The following CACNA1F variants were observed in gnomAD, a reference collection of about 807,000 sequenced individuals.
The protein encoded by CACNA1F is voltage-dependent L-type calcium channel subunit alpha-1F.
Under a neutral mutation model 143.8 loss-of-function variants are expected in CACNA1F, and 59 were observed. That is an observed-to-expected ratio of 0.41 (90% CI 0.33 to 0.51). The LOEUF is 0.51. Ranked by LOEUF, CACNA1F falls within the 20% of genes least tolerant of loss-of-function variation. The pLI, the probability that CACNA1F is intolerant of heterozygous loss-of-function variation, is 0.22. For missense variants in CACNA1F, 1,411 were observed against 1,647.5 expected, an observed-to-expected ratio of 0.86 and a Z score of 2.48; for synonymous variants, 643 against 649.1, an observed-to-expected ratio of 0.99 and a Z score of 0.14.
At chrX:49,230,187 C>G (rs782661525) in intron 6 of CACNA1F, 33 bp downstream of exon 6, 2 of 1,160,743 alleles carry the variant, frequency 1.7e-6, no homozygotes, top group East Asian at 6.1e-5. Context: ...AAGGAGGGGG[C>G]ATGTTCTGCC....
chrX:49,225,620 C>T (rs1336936753), intron 13 of CACNA1F, among the ~76,000 whole-genome samples: 3 of 111,515 alleles, frequency 2.7e-5, no homozygotes, highest in African/African-American at 9.8e-5. Context: ...CCCTCAGTGC[C>T]TTGATGCTCA....
At chrX:49,223,434 C>T (rs60927096) in intron 14 of CACNA1F, among the ~76,000 whole-genome samples, 1 of 106,278 alleles carries the variant, frequency 9.4e-6, no homozygotes, top group Non-Finnish European at 1.9e-5. Context: ...GAAACCCCGT[C>T]TCTACTAAAA....
In CACNA1F at chrX:49,212,721, G is replaced by A. The variant is rs782452745; in HGVS notation, c.3888C>T (p.Leu1296=). ...LFRVMRLVKL[L]SKGEGIRTLL... is the part of the protein sequence containing the mutation. Reference sequence around the variant, plus strand: ...ATGTGCGGATCCCTTCACCCTTACTGAGAAGCTTGACCAGCCGCATAACTC... The same window carrying A: ...ATGTGCGGATCCCTTCACCCTTACTAAGAAGCTTGACCAGCCGCATAACTC... Residue 1296 remains leucine, a synonymous_variant, in exon 33 of 48, where the codon CTC becomes CTT. Transcript: ENST00000323022. 26 of 1,206,913 alleles carry A rather than the reference G, an allele frequency of 2.2e-5. No homozygotes were observed. Among genetic ancestry groups the A allele is most frequent in the Non-Finnish European group, 2.9e-5 (26 of 893,281 alleles).
chrX:49,216,565 G>C (rs782315964), intron 26 of CACNA1F, 37 bp from the exon 27 acceptor site: 2 of 1,169,314 alleles, frequency 1.7e-6, no homozygotes, highest in Non-Finnish European at 2.3e-6. Context: ...GGTGAGGAGG[G>C]GTGAGGAACT....
chrX:49,205,190 G>A lies in CACNA1F; in HGVS notation c.5848C>T (p.Arg1950Cys), dbSNP rs369122296. The change falls in exon 48 of 48, where the codon CGC (arginine) becomes TGC (cysteine). Residue 1950 changes from arginine to cysteine, a missense_variant. By Grantham distance (180) the Arg-to-Cys change is radical. Transcript: ENST00000323022. ...TCTCCCAAGTCCTCCTCATCGAAGC[G>A]GGAGAGGATGGACTCCTCGTCGCTA... ...LYSDEESILS[R>C]FDEEDLGDEM... 5.5e-5 allele frequency: 66 copies of A among 1,209,085 alleles called. No homozygotes were observed. Among genetic ancestry groups the A allele is most frequent in the South Asian group, 7.0e-5 (4 of 56,790 alleles).
In CACNA1F at chrX:49,222,607, G is replaced by C. The variant is rs1042050925; in HGVS notation, c.2207-4C>G. 8.3e-7 allele frequency: 1 copy of C among 1,210,010 alleles called. No individual in the cohort carries two copies. The highest frequency in any genetic ancestry group is 1.1e-6 in the Non-Finnish European group (1 of 894,360). On this transcript the variant is annotated splice_region_variant and splice_polypyrimidine_tract_variant and intron_variant, in intron 16 of 47. Transcript: ENST00000323022. The stretch of plus-strand genomic sequence containing the variant: ...AGAAACACGTTCAACAGGATGTCTG[G>C]GATGAGCTTAGGCTGCAAAGGATGG...
At chrX:49,221,645 G>T (rs998325842) in intron 17 of CACNA1F, among the ~76,000 whole-genome samples, 1 of 107,014 alleles carries the variant, frequency 9.3e-6, no homozygotes, top group Non-Finnish European at 1.9e-5. Flanking sequence ...GATTACAGGC[G>T]TGAGCCACTG....
At position 49,210,380 on chromosome X, in the gene CACNA1F, G is replaced by A. The variant is rs374410871; in HGVS notation, c.4509C>T (p.Pro1503=). Residue 1503 remains proline (P), a synonymous_variant, in exon 39 of 48, where the codon CCC becomes CCT. Transcript: ENST00000323022. ...ATGTCACCGTCCCATCTGAGTTGAG[G>A]GGCATGTTCATTGCCACAAGTCTCT... ...ACKRLVAMNM[P]LNSDGTVTFN... The A allele has an allele frequency of 8.3e-7, 1 of 1,205,180 alleles. No individual in the cohort carries two copies. Among genetic ancestry groups the A allele is most frequent in the Non-Finnish European group, 1.1e-6 (1 of 889,506 alleles).
chrX:49,226,123 G>GCA, intron 12 of CACNA1F, 54 bp from the exon 13 acceptor site: 1 of 1,138,407 alleles, frequency 8.8e-7, no homozygotes, highest in Non-Finnish European at 1.2e-6. Flanking sequence ...CTGCCCTGGG[G>GCA]GGCTCAGGTG....
chrX:49,218,051 T>C (rs201329851), intron 24 of CACNA1F, 46 bp from the exon 25 acceptor site: 16 of 971,304 alleles, frequency 1.6e-5, no homozygotes, highest in Non-Finnish European at 2.0e-5. Context: ...CAGGCCACAG[T>C]GGTCATGGGG....
chrX:49,208,939 C>T, intron 42 of CACNA1F: 1 of 424,692 alleles, frequency 2.4e-6, no homozygotes, highest in Non-Finnish European at 4.1e-6. Context: ...AATCCTCCTG[C>T]CTCAGCCTCC....
At chrX:49,223,440 T>TA (rs1156999306) in intron 14 of CACNA1F, among the ~76,000 whole-genome samples, 62 of 104,606 alleles carry the variant, frequency 5.9e-4, no homozygotes, top group African/African-American at 1.9e-3. Flanking sequence ...CCGTCTCTAC[T>TA]AAAAAAAAAT....
At position 49,230,305 on chromosome X, in the gene CACNA1F, C is replaced by T. The variant is rs782339779; in HGVS notation, c.732G>A (p.Val244=). The T allele has an allele frequency of 3.3e-6, 4 of 1,208,303 alleles. No individual in the cohort carries two copies. Among genetic ancestry groups the T allele is most frequent in the Non-Finnish European group, 4.5e-6 (4 of 893,314 alleles). Residue 244 remains valine (V), a synonymous_variant, in exon 6 of 48, where the codon GTG becomes GTA. Coordinates refer to ENST00000323022, the MANE Select transcript of CACNA1F (RefSeq NM_001256789.3). ...TGGCATAAATGATGATGACGAAGAG[C>T]ACGAGCAGTGCAATGTGCAGCAGCG... ...LVPLLHIALL[V]LFVIIIYAII...
rs142470309 is a variant in CACNA1F at position 49,231,689 on chromosome X, G to A, written c.264C>T (p.Ile88=). The A allele has an allele frequency of 7.4e-6, 9 of 1,210,277 alleles. No homozygotes were observed. The highest frequency in any genetic ancestry group is 2.2e-5 in the Admixed American group (1 of 45,787). The part of the protein sequence containing the change: ...ANPLRRSCIS[I]VEWKPFDILI... ...GCCTTCCAGGATGCTTCCACTCCAC[G>A]ATGCTGATGCAGGACCGTCGCAGAG... The change falls in exon 2 of 48, where the codon ATC becomes ATT. Residue 88 remains isoleucine, a synonymous_variant. Coordinates refer to ENST00000323022, the MANE Select transcript of CACNA1F (RefSeq NM_001256789.3).
At chrX:49,208,993 T>C in intron 42 of CACNA1F, 1 of 395,874 alleles carries the variant, frequency 2.5e-6, no homozygotes, top group East Asian at 4.5e-5. Context: ...TCCTAGCTAA[T>C]TTTTAAATTT....
chrX:49,220,889 A>T (rs782308200), intron 18 of CACNA1F, 146 bp downstream of exon 18: 28 of 547,224 alleles, frequency 5.1e-5, no homozygotes, highest in African/African-American at 5.0e-4. Context: ...CAGTGAGCCG[A>T]GATGGCACAA....
In CACNA1F at chrX:49,211,971, G is replaced by T. The variant is rs782279192; in HGVS notation, c.4027C>A (p.Leu1343Ile). The change falls in exon 35 of 48, where the codon CTT becomes ATT. Residue 1343 changes from leucine to isoleucine, a missense_variant. Physicochemically the swap from Leu to Ile is conservative, Grantham distance 5 (BLOSUM62 2). This residue lies in a region of CACNA1F where 112 missense variants were observed against 169.2 expected (regional missense o/e 0.66). Coordinates refer to ENST00000323022, the MANE Select transcript of CACNA1F (RefSeq NM_001256789.3). ...CGGTTTATCTGTGTGCCATCCTGAA[G>T]AGCCACCTTGCCGAACATCTGTGGA... ...IGMQMFGKVA[L>I]QDGTQINRNN... 1 of 1,208,500 alleles carries T rather than the reference G, an allele frequency of 8.3e-7. No homozygotes were observed. Among genetic ancestry groups the T allele is most frequent in the East Asian group, 3.0e-5 (1 of 33,740 alleles).
chrX:49,232,988 T>A (rs1557111641), intron 1 of CACNA1F, among the ~76,000 whole-genome samples: 1 of 109,946 alleles, frequency 9.1e-6, no homozygotes, highest in East Asian at 2.9e-4. Context: ...AGAGTTTGTG[T>A]TAGGTTTCAG....
chrX:49,210,572 G>T lies in CACNA1F; in HGVS notation c.4485+18C>A, dbSNP rs917142668. ...AGACAGTTCTCTCAGGAGCCTGGGGGTGGGCAGGTGCACAGACCTTGCAGG... is the reference window on the plus strand; with the variant it reads ...AGACAGTTCTCTCAGGAGCCTGGGGTTGGGCAGGTGCACAGACCTTGCAGG... On this transcript the variant is annotated intron_variant, in intron 38 of 47. Transcript: ENST00000323022. 44 of 1,181,871 alleles carry T rather than the reference G, an allele frequency of 3.7e-5. No homozygotes were observed. The highest frequency in any genetic ancestry group is 4.9e-5 in the Non-Finnish European group (43 of 870,513).
Sources: allele counts gnomAD v4.1 joint callset (sites outside exome capture counted in the v4.1 genomes callset), GRCh38; gene constraint gnomAD v4.1.1; regional missense constraint gnomAD v4.1.1; transcripts MANE v1.5; gene names NCBI Gene and HGNC (gene_info 2026-07-23, HGNC 2026-07-21).